Variants in EXOC3 observed in about 807,000 individuals in gnomAD.
EXOC3 encodes exocyst complex component 3.
EXOC3 carries 21 observed loss-of-function variants against 73.7 expected under a neutral mutation model. The observed-to-expected ratio is 0.29, with a 90% CI of 0.20 to 0.41. The LOEUF (loss-of-function observed/expected upper bound fraction) is 0.41. EXOC3 is among the 10% of genes least tolerant of loss of function. The pLI is 1.00. For missense variants in EXOC3, 842 were observed against 985.1 expected, an observed-to-expected ratio of 0.85 and a Z score of 1.95; for synonymous variants, 410 against 389.1, an observed-to-expected ratio of 1.05 and a Z score of -0.63.
chr5:466,972 C>T lies in EXOC3; in HGVS notation c.*74C>T. 3 of 1,411,998 alleles carry T rather than the reference C, an allele frequency of 2.1e-6. No homozygotes were observed. The highest frequency in any genetic ancestry group is 2.6e-5 in the South Asian group (2 of 75,478). 87.5% of individuals were successfully genotyped at this position (1,411,998 alleles called of 1,614,324 possible). Reference sequence around the variant, plus strand: ...TTTAGAAACGCGGGACAGCTGATTGCTCTCCTTGGCCACACGTGCTCCTTT... The same window carrying T: ...TTTAGAAACGCGGGACAGCTGATTGTTCTCCTTGGCCACACGTGCTCCTTT... On this transcript the variant is annotated 3_prime_UTR_variant, in exon 13 of 13. Transcript: ENST00000512944.
In EXOC3 at chr5:467,072, G is replaced by A; in HGVS notation, c.*174G>A. Reference sequence around the variant, plus strand: ...TCGAGTGAGCGTCCCGAGGCCACGTGCGGAGGCCCCTCACTGTGCTGTCAA... The same window carrying A: ...TCGAGTGAGCGTCCCGAGGCCACGTACGGAGGCCCCTCACTGTGCTGTCAA... On this transcript the variant is annotated 3_prime_UTR_variant, in exon 13 of 13. Coordinates refer to ENST00000512944, the MANE Select transcript of EXOC3 (RefSeq NM_007277.5). 1 of 647,486 alleles carries A rather than the reference G, an allele frequency of 1.5e-6. No homozygotes were observed. Among genetic ancestry groups the A allele is most frequent in the South Asian group, 2.0e-5 (1 of 51,200 alleles). 40.1% of individuals were successfully genotyped at this position (647,486 alleles called of 1,614,324 possible).
At chr5:452,063 T>C (rs1737675168) in intron 3 of EXOC3, among the ~76,000 whole-genome samples, 1 of 152,212 alleles carries the variant, frequency 6.6e-6, no homozygotes, top group African/African-American at 2.4e-5. Context: ...GATCTTCATA[T>C]TCATGTCTTT....
At position 453,413 on chromosome 5, in the gene EXOC3, G is replaced by A; in HGVS notation, c.408G>A (p.Gly136=). 6.2e-7 allele frequency: 1 copy of A among 1,600,072 alleles called. No homozygotes were observed. The highest frequency in any genetic ancestry group is 8.5e-7 in the Non-Finnish European group (1 of 1,173,328). ...AGACCCAGGACCTAATTGAACAAGG[G>A]GCACTCCTGCAAGCCCACCGGAAGC... ...VRETQDLIEQ[G]ALLQAHRKLM... The change falls in exon 4 of 13, where the codon GGG becomes GGA. Residue 136 remains glycine (G), a synonymous_variant. Transcript: ENST00000512944.
intron 3 of EXOC3, 28 bp downstream of exon 3, chr5:447,780 C>A: frequency 6.8e-7 from 1 of 1,473,700 alleles, no homozygotes; most frequent in African/African-American, 1.4e-5. Flanking sequence ...AGGCACTTGC[C>A]CCCACTCACG....
intron 9 of EXOC3, among the ~76,000 whole-genome samples, chr5:463,278 C>A (rs1338569717): frequency 6.6e-6 from 1 of 152,044 alleles, no homozygotes; most frequent in East Asian, 1.9e-4. Flanking sequence ...GTAACTTTCG[C>A]AAATATGACT....
chr5:453,791 C>G lies in EXOC3; in HGVS notation c.786C>G (p.Gly262=), dbSNP rs532883746. 3 of 1,613,946 alleles carry G rather than the reference C, an allele frequency of 1.9e-6. No individual in the cohort carries two copies. Among genetic ancestry groups the G allele is most frequent in the Non-Finnish European group, 2.5e-6 (3 of 1,179,882 alleles). ...LERTVTTRIE[G]TQADTRESDK... ...GGACTGTGACCACCAGAATTGAGGGCACACAGGCAGATACCAGAGAGTCTG... is the reference window on the plus strand; with the variant it reads ...GGACTGTGACCACCAGAATTGAGGGGACACAGGCAGATACCAGAGAGTCTG... Residue 262 remains glycine (G), a synonymous_variant, in exon 4 of 13, where the codon GGC becomes GGG. Coordinates refer to ENST00000512944, the MANE Select transcript of EXOC3 (RefSeq NM_007277.5).
intron 6 of EXOC3, among the ~76,000 whole-genome samples, chr5:458,918 T>G (rs1737901972): frequency 6.6e-6 from 1 of 152,216 alleles, no homozygotes; most frequent in Admixed American, 6.5e-5. Flanking sequence ...CTCTGTCCCC[T>G]TGCCCTTCCT....
At chr5:451,291 T>C (rs1206331200) in intron 3 of EXOC3, among the ~76,000 whole-genome samples, 1 of 152,242 alleles carries the variant, frequency 6.6e-6, no homozygotes, top group East Asian at 1.9e-4. Context: ...TCAACTTAAC[T>C]TCAATAACAC....
At chr5:464,253 G>T (rs901337390) in intron 9 of EXOC3, 37 bp from the exon 10 acceptor site, 5 of 1,603,968 alleles carry the variant, frequency 3.1e-6, no homozygotes, top group Non-Finnish European at 4.3e-6. Context: ...GTGGGACGTT[G>T]AGGTGATGAT....
rs1218438111 is a variant in EXOC3, at chr5:462,076, T to C, written c.1502+6T>C. 5.6e-6 allele frequency: 9 copies of C among 1,610,486 alleles called. No individual in the cohort carries two copies. The highest frequency in any genetic ancestry group is 7.6e-6 in the Non-Finnish European group (9 of 1,178,330). On this transcript the variant is annotated splice_donor_region_variant and intron_variant, in intron 8 of 12. Transcript: ENST00000512944. ...AACAACTGCCAGACCTTCAAGTGAG[T>C]GTGGCCGGGCGCTGTGGCGGGGGAG... is the stretch of plus-strand genomic sequence containing the variant.
At position 457,009 on chromosome 5, in the gene EXOC3, G is replaced by A; in HGVS notation, c.1164+3G>A. On this transcript the variant is annotated splice_donor_region_variant and intron_variant, in intron 5 of 12. Transcript: ENST00000512944. ...ACACGTACATGTCCACGCTCACTGT[G>A]AGTAGGGCTGGCCTGCGTGCCACAG... 1.9e-6 allele frequency: 3 copies of A among 1,607,072 alleles called. No homozygotes were observed. Among genetic ancestry groups the A allele is most frequent in the Non-Finnish European group, 2.6e-6 (3 of 1,173,876 alleles).
intron 10 of EXOC3, chr5:464,644 CGG>C: frequency 2.1e-6 from 1 of 485,752 alleles, no homozygotes; most frequent in East Asian, 3.9e-5. Context: ...CCATGGTTCC[CGG>C]AGAGGCCCGC....
chr5:455,416 C>G (rs1737780991), intron 4 of EXOC3, among the ~76,000 whole-genome samples: 1 of 152,256 alleles, frequency 6.6e-6, no homozygotes, highest in Non-Finnish European at 1.5e-5. Context: ...CCACTAGAAA[C>G]ATTCTCACAC....
At position 464,059 on chromosome 5, in the gene EXOC3, T is replaced by G. The variant is rs190861268; in HGVS notation, c.1654-231T>G. On this transcript the variant is annotated intron_variant, in intron 9 of 12. Coordinates refer to ENST00000512944, the MANE Select transcript of EXOC3 (RefSeq NM_007277.5). ...GTGACGTAGCAAAGATGCACGGAAG[T>G]GCCTCCCTCCCACACGCACTCAGTG... Among the ~76,000 whole-genome samples the G allele has an allele frequency of 4.4e-4, 67 of 152,366 alleles. No homozygotes were observed. The East Asian group carries it at 0.012, about 28-fold the overall frequency.
intron 1 of EXOC3, among the ~76,000 whole-genome samples, 169 bp from the exon 2 acceptor site, chr5:445,981 A>T (rs1314513407): frequency 6.6e-6 from 1 of 152,128 alleles, no homozygotes; most frequent in Non-Finnish European, 1.5e-5. Flanking sequence ...TGTTTGTGTT[A>T]CGAAGGTTTG....
intron 2 of EXOC3, 138 bp downstream of exon 2, chr5:446,487 T>C: frequency 1.3e-6 from 1 of 773,312 alleles, no homozygotes. Context: ...GCAGTTACTT[T>C]CAGCAGTGTA....
Position 466,305 on chromosome 5 carries a change from C to G in EXOC3, c.2067-422C>G, listed in dbSNP as rs920121128. On this transcript the variant is annotated intron_variant, in intron 12 of 12. Coordinates refer to ENST00000512944, the MANE Select transcript of EXOC3 (RefSeq NM_007277.5). The stretch of plus-strand genomic sequence containing the variant: ...AGGGAAGGGGACCCACGCACGTCCC[C>G]CCTCCACCATGCTGGCTCCAGGCCC... 6.9e-5 allele frequency: 17 copies of G among 246,832 alleles called. No individual in the cohort carries two copies. In the East Asian group the frequency reaches 1.3e-3, roughly 18 times the overall value. The allele number at this position is 246,832 out of a possible 1,614,324, so 15.3% of individuals were successfully genotyped here.
intron 5 of EXOC3, 191 bp from the exon 6 acceptor site, chr5:457,709 T>G: frequency 5.2e-6 from 3 of 573,276 alleles, no homozygotes; most frequent in Non-Finnish European, 9.2e-6. Context: ...CCCTGCGGGC[T>G]GCTGTGGTCA....
intron 6 of EXOC3, among the ~76,000 whole-genome samples, chr5:458,327 T>G (rs1278819841): frequency 6.6e-6 from 1 of 152,242 alleles, no homozygotes; most frequent in Non-Finnish European, 1.5e-5. Context: ...CTTTCAAATG[T>G]GAGTTTGTTT....
Sources: allele counts gnomAD v4.1 joint callset (sites outside exome capture counted in the v4.1 genomes callset), GRCh38; gene constraint gnomAD v4.1.1; transcripts MANE v1.5; gene names NCBI Gene and HGNC (gene_info 2026-07-23, HGNC 2026-07-21).